SHC4: variants seen among roughly 807,000 people sequenced by gnomAD.
SHC4 encodes the protein SHC adaptor protein 4, also known as SHC-transforming protein 4.
Under a neutral mutation model 69.4 loss-of-function variants are expected in SHC4, and 41 were observed. That is an observed-to-expected ratio of 0.59 (90% CI 0.46 to 0.77). The LOEUF (loss-of-function observed/expected upper bound fraction) is 0.77, where lower values mean the gene tolerates loss of function less well. Ranked by LOEUF, SHC4 falls within the 30% of genes least tolerant of loss-of-function variation. The pLI, the probability that SHC4 is intolerant of heterozygous loss-of-function variation, is 0.00. For missense variants in SHC4, 777 were observed against 783.8 expected (o/e 0.99, Z 0.10); for synonymous variants, 318 against 299.3 (o/e 1.06, Z -0.64).
In SHC4 at chr15:48,832,525, A is replaced by AT. The variant is rs1898825458; in HGVS notation, c.1737+2243dup. On this transcript the variant is annotated intron_variant, in intron 11 of 11. Transcript: ENST00000332408. ...TGATGTGAATGTCTTAGGGTTCCTC[A>AT]TAGTTGGAGTCCATTGGTCTTCTTG... Among the ~76,000 whole-genome samples, 4 of 152,226 alleles carry AT rather than the reference A, an allele frequency of 2.6e-5. No homozygotes were observed. The South Asian group carries it at 8.3e-4, about 32-fold the overall frequency.
rs1326295225 is a variant in SHC4 at position 48,825,732 on chromosome 15, T to A, written c.*239A>T. The A allele has an allele frequency of 2.2e-6, 1 of 445,566 alleles. No individual in the cohort carries two copies. Among genetic ancestry groups the A allele is most frequent in the Admixed American group, 4.1e-5 (1 of 24,670 alleles). 27.6% of individuals were successfully genotyped at this position (445,566 alleles called of 1,614,324 possible). A position where few individuals can be genotyped will look rare whatever the true frequency, so the allele number is the denominator to read the frequency against. On this transcript the variant is annotated 3_prime_UTR_variant, in exon 12 of 12. Coordinates refer to ENST00000332408, the MANE Select transcript of SHC4 (RefSeq NM_203349.4). ...ATATGGCCTTAAAAAGTGACATCCG[T>A]GCATACATATAATTTCTTTTAAAAT... is the stretch of plus-strand genomic sequence containing the variant.
chr15:48,938,936 C>A (rs1901124444), intron 1 of SHC4, among the ~76,000 whole-genome samples: 1 of 152,126 alleles, frequency 6.6e-6, no homozygotes. Flanking sequence ...AAACCTTGGA[C>A]AAATAACTTT....
At chr15:48,830,636 A>G (rs916432327) in intron 11 of SHC4, among the ~76,000 whole-genome samples, 1 of 152,230 alleles carries the variant, frequency 6.6e-6, no homozygotes, top group African/African-American at 2.4e-5. Flanking sequence ...AATTAACAAT[A>G]AAGAGTTTAG....
chr15:48,883,500 T>C (rs1389026833), intron 4 of SHC4, among the ~76,000 whole-genome samples: 1 of 152,142 alleles, frequency 6.6e-6, no homozygotes, highest in African/African-American at 2.4e-5. Flanking sequence ...GTAAAGAAAC[T>C]TGGATCACAA....
intron 8 of SHC4, among the ~76,000 whole-genome samples, chr15:48,853,662 T>C (rs1016970933): frequency 2.6e-5 from 4 of 152,178 alleles, no homozygotes; most frequent in African/African-American, 7.2e-5. Flanking sequence ...TGGAACAGAA[T>C]AGAGAACCCA....
chr15:48,871,526 G>A (rs1244797508), intron 5 of SHC4, among the ~76,000 whole-genome samples: 1 of 152,240 alleles, frequency 6.6e-6, no homozygotes, highest in Non-Finnish European at 1.5e-5. Context: ...TAGGCTTGGA[G>A]AAATCCTGTA....
At chr15:48,842,265 G>A (rs972127661) in intron 10 of SHC4, among the ~76,000 whole-genome samples, 25 of 152,156 alleles carry the variant, frequency 1.6e-4, no homozygotes, top group Admixed American at 5.2e-4. Context: ...TTATTTTAGT[G>A]CTTTATAGAT....
rs766876889 is a variant in SHC4 at position 48,843,625 on chromosome 15, T to C, written c.1304-37A>G. 9.0e-6 allele frequency: 14 copies of C among 1,558,990 alleles called. 2 individuals carry two copies. The East Asian group carries it at 1.1e-4, about 13-fold the overall frequency. On this transcript the variant is annotated intron_variant, in intron 9 of 11. Coordinates refer to ENST00000332408, the MANE Select transcript of SHC4 (RefSeq NM_203349.4). ...AGTAGTGATCAATACATTATGTTTT[T>C]TCTTTGTAAATAGTAAATAAAATCA...
chr15:48,878,603 C>G (rs774193104), intron 4 of SHC4: 1 of 1,614,054 alleles, frequency 6.2e-7, no homozygotes, highest in Non-Finnish European at 8.5e-7. Context: ...AGAACCAGCC[C>G]TGGATGGCGG....
intron 1 of SHC4, among the ~76,000 whole-genome samples, chr15:48,951,606 A>G (rs1901365649): frequency 6.6e-6 from 1 of 152,100 alleles, no homozygotes; most frequent in South Asian, 2.1e-4. Context: ...TGTTTAACCA[A>G]GTCAAATCAC....
At chr15:48,826,384 G>A (rs1024675156) in intron 11 of SHC4, among the ~76,000 whole-genome samples, 1 of 151,868 alleles carries the variant, frequency 6.6e-6, no homozygotes, top group African/African-American at 2.4e-5. Context: ...GAGTAACTGG[G>A]ACTACAGGCA....
chr15:48,879,237 C>T, intron 4 of SHC4: 1 of 168,972 alleles, frequency 5.9e-6, no homozygotes. Context: ...CTAGTCAAGC[C>T]ACAGTTATCA....
At chr15:48,826,251 T>A in intron 11 of SHC4, 125 bp from the exon 12 acceptor site, 1 of 917,536 alleles carries the variant, frequency 1.1e-6, no homozygotes, top group Non-Finnish European at 1.5e-6. Flanking sequence ...AAAGAAAAGG[T>A]ACTTTTTTTT....
chr15:48,929,946 C>A (rs1247204568), intron 1 of SHC4, among the ~76,000 whole-genome samples: 1 of 152,168 alleles, frequency 6.6e-6, no homozygotes, highest in East Asian at 1.9e-4. Context: ...CACTTGCTCC[C>A]AGGGAGAGGT....
chr15:48,835,054 G>C (rs376082788), intron 10 of SHC4, 32 bp from the exon 11 acceptor site: 1 of 1,580,644 alleles, frequency 6.3e-7, no homozygotes, highest in Non-Finnish European at 8.6e-7. Flanking sequence ...AGACATCATC[G>C]AGTTACCTCT....
intron 4 of SHC4, 58 bp downstream of exon 4, chr15:48,884,190 C>A: frequency 6.6e-7 from 1 of 1,508,214 alleles, no homozygotes; most frequent in African/African-American, 1.4e-5. Flanking sequence ...TTTCATTATC[C>A]CCACGCTTCT....
rs1318290836 is a variant in SHC4, at chr15:48,825,590, A to G, written c.*381T>C. The G allele has an allele frequency of 6.1e-6, 1 of 163,860 alleles. No individual in the cohort carries two copies. The highest frequency in any genetic ancestry group is 1.3e-5 in the Non-Finnish European group (1 of 75,480). The allele number at this position is 163,860 out of a possible 1,614,324, so 10.2% of individuals were successfully genotyped here. A position where few individuals can be genotyped will look rare whatever the true frequency, so the allele number is the denominator to read the frequency against. ...AGATACTTAGAATTAATCTCCCAAT[A>G]TGAAAATGTCCCCCAAATTATCAAG... On this transcript the variant is annotated 3_prime_UTR_variant, in exon 12 of 12. Coordinates refer to ENST00000332408, the MANE Select transcript of SHC4 (RefSeq NM_203349.4).
chr15:48,946,380 C>T (rs1011214442), intron 1 of SHC4, among the ~76,000 whole-genome samples: 5 of 152,138 alleles, frequency 3.3e-5, no homozygotes, highest in Admixed American at 2.6e-4. Context: ...TTCCTGGAGG[C>T]CTCCAGAATC....
intron 1 of SHC4, among the ~76,000 whole-genome samples, chr15:48,933,228 G>T (rs905970564): frequency 2.0e-5 from 3 of 152,110 alleles, no homozygotes; most frequent in African/African-American, 7.2e-5. Flanking sequence ...TTCAAAAGAG[G>T]TCAGAAATCA....
Sources: allele counts gnomAD v4.1 joint callset (sites outside exome capture counted in the v4.1 genomes callset), GRCh38; gene constraint gnomAD v4.1.1; transcripts MANE v1.5; gene names NCBI Gene and HGNC (gene_info 2026-07-23, HGNC 2026-07-21).